The following DDAH1 variants were observed in gnomAD, a reference collection of about 807,000 sequenced individuals.
DDAH1 encodes the protein N(G),N(G)-dimethylarginine dimethylaminohydrolase 1.
In DDAH1, 19 loss-of-function variants were observed where a neutral mutation model predicts 28.8. The observed-to-expected ratio is 0.66, with a 90% confidence interval of 0.46 to 0.97. The LOEUF is 0.97. DDAH1 is among the 50% of genes least tolerant of loss of function. DDAH1 has a pLI of 0.00. For synonymous variants in DDAH1, 153 were observed against 154.4 expected (o/e 0.99, Z 0.07); for missense variants, 326 against 375.9 (o/e 0.87, Z 1.10).
chr1:85,521,643 G>A (rs1405631672), intron 1 of DDAH1: 13 of 984,462 alleles, frequency 1.3e-5, no homozygotes, highest in South Asian at 4.7e-5. Context: ...GCCTTCCCCC[G>A]TCGCTGAGTC....
chr1:85,545,278 C>T (rs187080254), intron 1 of DDAH1, among the ~76,000 whole-genome samples: 21 of 152,240 alleles, frequency 1.4e-4, no homozygotes, highest in African/African-American at 5.1e-4. Context: ...ACATTCTTCT[C>T]CTTTAATAAT....
rs1258097638 is a variant in DDAH1 at position 85,530,660 on chromosome 1, T to C, written c.-122-34379A>G. 3.3e-5 allele frequency among the ~76,000 whole-genome samples: 5 copies of C among 151,180 alleles called. No individual in the cohort carries two copies. In the East Asian group the frequency reaches 9.7e-4, roughly 29 times the overall value. Reference sequence around the variant, plus strand: ...AGAAAAGGACTCATTTGGGAAATGCTGCAAACCACATCTTTTTCCTAGAGT... The same window carrying C: ...AGAAAAGGACTCATTTGGGAAATGCCGCAAACCACATCTTTTTCCTAGAGT... On this transcript the variant is annotated intron_variant, in intron 1 of 6. Coordinates refer to the DDAH1 transcript ENST00000426972.
chr1:85,374,638 A>T (rs1650562066), intron 1 of DDAH1, among the ~76,000 whole-genome samples: 1 of 152,174 alleles, frequency 6.6e-6, no homozygotes, highest in Admixed American at 6.6e-5. Context: ...ATGCATAGAT[A>T]ACACTTACTG....
At chr1:85,334,373 G>A (rs1322893831) in intron 4 of DDAH1, among the ~76,000 whole-genome samples, 2 of 152,168 alleles carry the variant, frequency 1.3e-5, no homozygotes, top group African/African-American at 2.4e-5. Flanking sequence ...CTAATACAGT[G>A]TAAAAAGTCA....
At chr1:85,404,657 A>T (rs7526667) in intron 1 of DDAH1, 526,901 of 529,390 alleles carry the variant, frequency 1, 262,260 homozygotes, top group East Asian at 1. Flanking sequence ...TATTTCTTTA[A>T]ATTCCACGTA....
intron 1 of DDAH1, among the ~76,000 whole-genome samples, chr1:85,559,792 C>T (rs2100803054): frequency 8.4e-6 from 1 of 118,612 alleles, no homozygotes; most frequent in African/African-American, 3.3e-5. Flanking sequence ...AAATGAAGCA[C>T]ACAGAAAAAG....
chr1:85,363,597 A>G (rs1379163659), intron 1 of DDAH1, among the ~76,000 whole-genome samples: 1 of 152,182 alleles, frequency 6.6e-6, no homozygotes, highest in Non-Finnish European at 1.5e-5. Context: ...TTTAATGTTG[A>G]GTGTGACATG....
chr1:85,577,078 C>G (rs1341170676), intron 1 of DDAH1, among the ~76,000 whole-genome samples: 2 of 152,086 alleles, frequency 1.3e-5, no homozygotes, highest in African/African-American at 4.8e-5. Context: ...CCGGAAACCT[C>G]GATTCTTGGC....
chr1:85,416,156 T>A (rs1357455156), intron 1 of DDAH1, among the ~76,000 whole-genome samples: 1 of 152,224 alleles, frequency 6.6e-6, no homozygotes, highest in Non-Finnish European at 1.5e-5. Context: ...AAAAAGAATA[T>A]AAATTTTTTG....
intron 1 of DDAH1, among the ~76,000 whole-genome samples, chr1:85,519,600 C>A (rs1657601997): frequency 6.6e-6 from 1 of 152,004 alleles, no homozygotes; most frequent in East Asian, 1.9e-4. Context: ...AGAAGAAAAG[C>A]ATGAAAAATT....
chr1:85,478,159 G>A (rs759061096), intron 2 of DDAH1, among the ~76,000 whole-genome samples: 1 of 152,082 alleles, frequency 6.6e-6, no homozygotes, highest in Non-Finnish European at 1.5e-5. Flanking sequence ...GGAGAGAAAT[G>A]GGCAAGAATA....
At chr1:85,431,866 G>C (rs998514436) in intron 1 of DDAH1, among the ~76,000 whole-genome samples, 3 of 152,158 alleles carry the variant, frequency 2.0e-5, no homozygotes, top group African/African-American at 7.2e-5. Context: ...TCTCACACAT[G>C]AAGTTGCTTT....
chr1:85,490,238 G>A (rs576858162), intron 2 of DDAH1, among the ~76,000 whole-genome samples: 3 of 152,242 alleles, frequency 2.0e-5, no homozygotes, highest in East Asian at 3.9e-4. Context: ...GGTAAAAATA[G>A]TTTAGAAAGA....
At position 85,329,162 on chromosome 1, in the gene DDAH1, A is replaced by AG. The variant is rs1402227578; in HGVS notation, c.598-4280dup. Among the ~76,000 whole-genome samples the AG allele has an allele frequency of 7.2e-5, 11 of 152,382 alleles. 1 individual carries two copies. The highest frequency in any genetic ancestry group is 2.6e-4 in the African/African-American group (11 of 41,600). On this transcript the variant is annotated intron_variant, in intron 4 of 5. Coordinates refer to ENST00000284031, the MANE Select transcript of DDAH1 (RefSeq NM_012137.4). Reference sequence around the variant, plus strand: ...AAGCATGGAATGTCATACATTCCAGAGGAAGTGTTCTCAGGGATTGTTATC... The same window carrying AG: ...AAGCATGGAATGTCATACATTCCAGAGGGAAGTGTTCTCAGGGATTGTTATC...
At chr1:85,397,990 C>CTT (rs11296270) in intron 1 of DDAH1, among the ~76,000 whole-genome samples, 4 of 145,126 alleles carry the variant, frequency 2.8e-5, no homozygotes, top group African/African-American at 7.6e-5. Flanking sequence ...AAATAAACCT[C>CTT]TTTTTTTTTT....
intron 1 of DDAH1, among the ~76,000 whole-genome samples, chr1:85,371,571 T>C (rs991838328): frequency 6.6e-6 from 1 of 152,224 alleles, no homozygotes; most frequent in Non-Finnish European, 1.5e-5. Flanking sequence ...TTTGAAATTA[T>C]GATCACTTGA....
At chr1:85,405,746 G>T (rs956155891) in intron 1 of DDAH1, among the ~76,000 whole-genome samples, 1 of 152,182 alleles carries the variant, frequency 6.6e-6, no homozygotes, top group Non-Finnish European at 1.5e-5. Context: ...GCCTCAGAGA[G>T]GGGAGACAAG....
intron 1 of DDAH1, among the ~76,000 whole-genome samples, chr1:85,550,000 C>A (rs929330035): frequency 1.3e-5 from 2 of 152,110 alleles, no homozygotes; most frequent in Admixed American, 6.6e-5. Context: ...TGCCAAGGGG[C>A]TCTTTAAAAT....
At chr1:85,344,725 C>T (rs1225751964) in intron 4 of DDAH1, among the ~76,000 whole-genome samples, 1 of 152,104 alleles carries the variant, frequency 6.6e-6, no homozygotes, top group Non-Finnish European at 1.5e-5. Context: ...GCAGATATTA[C>T]TATCTGTCCT....
Sources: gnomAD v4.1 joint callset for allele counts (sites outside exome capture counted in the v4.1 genomes callset) on GRCh38, gnomAD v4.1.1 for gene constraint, MANE v1.5 for transcripts, NCBI Gene and HGNC (gene_info 2026-07-23, HGNC 2026-07-21) for gene names.